The following OPCML variants were observed in gnomAD, a reference collection of about 807,000 sequenced individuals.
OPCML encodes the protein opioid binding protein/cell adhesion molecule like.
Under a neutral mutation model 37.8 loss-of-function variants are expected in OPCML, and 13 were observed. The observed-to-expected ratio is 0.34, with a 90% CI of 0.22 to 0.55. The LOEUF (loss-of-function observed/expected upper bound fraction) is 0.55, where lower values mean the gene tolerates loss of function less well. OPCML is among the 20% of genes least tolerant of loss of function. The pLI is 0.91. For missense variants in OPCML, 341 were observed against 435.6 expected (o/e 0.78, Z 1.93); for synonymous variants, 176 against 168.8 (o/e 1.04, Z -0.33).
At chr11:133,314,175 C>T (rs1027528618) in intron 1 of OPCML, among the ~76,000 whole-genome samples, 12 of 123,788 alleles carry the variant, frequency 9.7e-5, no homozygotes, top group Admixed American at 3.3e-4. Flanking sequence ...TCGGAGCTTG[C>T]AGTGAGCCGA....
chr11:133,294,944 C>A (rs1372539372), intron 1 of OPCML, among the ~76,000 whole-genome samples: 7 of 151,596 alleles, frequency 4.6e-5, no homozygotes, highest in Admixed American at 3.9e-4. Flanking sequence ...CTGCCTCAGC[C>A]TCTCTAGTAG....
rs35161811 is a variant in OPCML, at chr11:133,099,442, CTT to C, written c.62-156434_62-156433del. 6.6e-3 allele frequency among the ~76,000 whole-genome samples: 789 copies of C among 119,444 alleles called. 4 individuals are homozygous for C. Among genetic ancestry groups the C allele is most frequent in the African/African-American group, 0.02 (632 of 30,952 alleles). 78.4% of individuals were successfully genotyped at this position (119,444 alleles called of 152,430 possible). A position where few individuals can be genotyped will look rare whatever the true frequency, so the allele number is the denominator to read the frequency against. ...CACACCTGGCTAATTTTCTTTTTTT[CTT>C]TTTTTTTTTTTTTTTTGTATTTTTA... On this transcript the variant is annotated intron_variant, in intron 1 of 7. Coordinates refer to ENST00000524381, the MANE Select transcript of OPCML (RefSeq NM_001012393.5).
chr11:132,518,802 G>A (rs1046023700), intron 4 of OPCML, among the ~76,000 whole-genome samples: 5 of 152,092 alleles, frequency 3.3e-5, no homozygotes, highest in Admixed American at 6.6e-5. Context: ...CAGGAACAAC[G>A]TCTATCTTAC....
rs1946264496 is a variant in OPCML at position 132,968,478 on chromosome 11, C to T, written c.62-25468G>A. ...CTCCTTGAAATTCTCAGCTTCAAAT[C>T]TTTTTTTTGTCTTTTTTCTTCCTCT... On this transcript the variant is annotated intron_variant, in intron 1 of 7. Coordinates refer to ENST00000524381, the MANE Select transcript of OPCML (RefSeq NM_001012393.5). Among the ~76,000 whole-genome samples the T allele has an allele frequency of 2.0e-5, 3 of 151,818 alleles. No individual in the cohort carries two copies. In the South Asian group the frequency reaches 6.2e-4, roughly 32 times the overall value.
chr11:132,678,454 C>T (rs773272477), intron 2 of OPCML, among the ~76,000 whole-genome samples: 2 of 152,066 alleles, frequency 1.3e-5, no homozygotes, highest in East Asian at 1.9e-4. Context: ...AGATGTTTAC[C>T]GCAACTTTAT....
At chr11:133,243,174 A>C (rs925696304) in intron 1 of OPCML, among the ~76,000 whole-genome samples, 1 of 152,226 alleles carries the variant, frequency 6.6e-6, no homozygotes, top group African/African-American at 2.4e-5. Context: ...TCTTGAGAGC[A>C]ACTGGTTTCT....
At chr11:132,438,651 G>C in intron 4 of OPCML, among the ~76,000 whole-genome samples, 1 of 151,726 alleles carries the variant, frequency 6.6e-6, no homozygotes, top group South Asian at 2.1e-4. Context: ...TGGTGTCCAG[G>C]GTATAGGGTG....
intron 1 of OPCML, among the ~76,000 whole-genome samples, chr11:133,185,701 A>C (rs1444222305): frequency 6.6e-6 from 1 of 151,962 alleles, no homozygotes; most frequent in African/African-American, 2.4e-5. Flanking sequence ...ATTTGAGAAC[A>C]AAAAAAACAA....
chr11:132,449,717 G>A (rs896752825), intron 4 of OPCML, among the ~76,000 whole-genome samples: 1 of 152,138 alleles, frequency 6.6e-6, no homozygotes, highest in African/African-American at 2.4e-5. Context: ...GGAGGCCAAG[G>A]TTTCGGCCTT....
In OPCML at chr11:132,825,961, C is replaced by T. The variant is rs1940301970; in HGVS notation, c.146+116965G>A. On this transcript the variant is annotated intron_variant, in intron 2 of 7. Coordinates refer to ENST00000524381, the MANE Select transcript of OPCML (RefSeq NM_001012393.5). ...TTTTCTCTTTGTCCATGTGTGAACCCCGCTACCTCCCTAACCACTCAGGGT... is the reference window on the plus strand; with the variant it reads ...TTTTCTCTTTGTCCATGTGTGAACCTCGCTACCTCCCTAACCACTCAGGGT... 2.6e-5 allele frequency among the ~76,000 whole-genome samples: 4 copies of T among 152,126 alleles called. No individual in the cohort carries two copies. The South Asian group carries it at 8.3e-4, about 32-fold the overall frequency.
chr11:132,643,025 G>T (rs896394470), intron 3 of OPCML, among the ~76,000 whole-genome samples: 1 of 152,138 alleles, frequency 6.6e-6, no homozygotes, highest in Admixed American at 6.6e-5. Flanking sequence ...AGGAAGGAGG[G>T]TGGCATAGGG....
intron 1 of OPCML, among the ~76,000 whole-genome samples, chr11:133,032,633 G>A (rs747557327): frequency 6.6e-6 from 1 of 152,142 alleles, no homozygotes; most frequent in Non-Finnish European, 1.5e-5. Flanking sequence ...CCACATACAT[G>A]CACAAAGTAG....
intron 3 of OPCML, among the ~76,000 whole-genome samples, chr11:132,611,011 T>C (rs986914980): frequency 6.6e-6 from 1 of 152,160 alleles, no homozygotes; most frequent in Admixed American, 6.5e-5. Flanking sequence ...CGAGATTTAC[T>C]TTAGTTCCAG....
intron 1 of OPCML, chr11:133,360,462 C>T (rs940276483): frequency 6.6e-6 from 1 of 152,212 alleles, no homozygotes; most frequent in African/African-American, 2.4e-5. Flanking sequence ...AGGGCAGGCT[C>T]AGACAGCTTT....
intron 1 of OPCML, among the ~76,000 whole-genome samples, chr11:133,186,358 T>C (rs1179515312): frequency 6.6e-6 from 1 of 152,222 alleles, no homozygotes; most frequent in African/African-American, 2.4e-5. Flanking sequence ...GAGATGCTTA[T>C]TGATTTATAA....
intron 4 of OPCML, among the ~76,000 whole-genome samples, chr11:132,486,049 A>G (rs2096198778): frequency 6.6e-6 from 1 of 152,210 alleles, no homozygotes; most frequent in Admixed American, 6.5e-5. Flanking sequence ...CCTCTTTGTC[A>G]ACACTTAGTA....
At chr11:133,471,653 A>G (rs1170800677) in intron 1 of OPCML, among the ~76,000 whole-genome samples, 2 of 152,214 alleles carry the variant, frequency 1.3e-5, no homozygotes, top group East Asian at 1.9e-4. Flanking sequence ...ACCGGAGTGG[A>G]AGAAGCAATA....
chr11:133,191,724 C>T (rs1938330053), intron 1 of OPCML, among the ~76,000 whole-genome samples: 1 of 152,010 alleles, frequency 6.6e-6, no homozygotes, highest in African/African-American at 2.4e-5. Flanking sequence ...GAGCTCCTGA[C>T]CTCAGGTGAT....
intron 4 of OPCML, among the ~76,000 whole-genome samples, chr11:132,483,891 C>A (rs1206581757): frequency 8.6e-5 from 13 of 151,910 alleles, no homozygotes; most frequent in Admixed American, 7.2e-4. Context: ...TGGATCCCTT[C>A]CTTACACCTT....
Sources: gnomAD v4.1 joint callset for allele counts (sites outside exome capture counted in the v4.1 genomes callset) on GRCh38, gnomAD v4.1.1 for gene constraint, MANE v1.5 for transcripts, NCBI Gene and HGNC (gene_info 2026-07-23, HGNC 2026-07-21) for gene names.